Variants in AGBL4 observed in about 807,000 individuals in gnomAD.
AGBL4 encodes the protein AGBL carboxypeptidase 4, also known as cytosolic carboxypeptidase 6.
AGBL4 carries 58 observed loss-of-function variants against 66.4 expected under a neutral mutation model. The ratio of observed to expected loss-of-function variants is 0.87; its 90% CI spans 0.71 to 1.09. The LOEUF is 1.09. AGBL4 is among the 50% of genes least tolerant of loss of function. The probability of loss-of-function intolerance (pLI) is 0.00; values close to 1 mark genes in which losing one functional copy is unlikely to be tolerated. For synonymous variants in AGBL4, 234 were observed against 222.9 expected (o/e 1.05, Z -0.44); for missense variants, 579 against 631.0 (o/e 0.92, Z 0.88).
chr1:48,645,524 G>C (rs1169086586), intron 8 of AGBL4, among the ~76,000 whole-genome samples: 1 of 152,162 alleles, frequency 6.6e-6, no homozygotes, highest in Admixed American at 6.5e-5. Flanking sequence ...ATGCATGTGG[G>C]CTGTATCAGA....
intron 8 of AGBL4, among the ~76,000 whole-genome samples, chr1:48,648,938 T>C (rs556318730): frequency 6.6e-6 from 1 of 152,322 alleles, no homozygotes; most frequent in African/African-American, 2.4e-5. Flanking sequence ...CATCTGGCCC[T>C]AGTTACTCTA....
At chr1:48,819,493 C>T (rs540284026) in intron 6 of AGBL4, among the ~76,000 whole-genome samples, 5 of 152,072 alleles carry the variant, frequency 3.3e-5, no homozygotes, top group East Asian at 1.9e-4. Flanking sequence ...AAGGTCTCTC[C>T]GGCTGCAGCA....
intron 6 of AGBL4, among the ~76,000 whole-genome samples, chr1:48,833,009 T>C (rs915960673): frequency 5.9e-5 from 9 of 152,196 alleles, no homozygotes; most frequent in African/African-American, 1.9e-4. Flanking sequence ...TTGCAGATGA[T>C]GAGACCTCTC....
chr1:49,046,156 AT>A (rs1295175290), intron 4 of AGBL4, among the ~76,000 whole-genome samples: 1 of 152,190 alleles, frequency 6.6e-6, no homozygotes, highest in Admixed American at 6.5e-5. Flanking sequence ...CTCTGTCCTC[AT>A]GGATAATAGT....
chr1:49,895,732 A>G (rs1450117419), intron 1 of AGBL4, among the ~76,000 whole-genome samples: 4 of 152,056 alleles, frequency 2.6e-5, no homozygotes, highest in African/African-American at 9.6e-5. Flanking sequence ...AAAAACATAC[A>G]TGCAAAAGCA....
chr1:48,665,627 C>G (rs1241504572), intron 6 of AGBL4, among the ~76,000 whole-genome samples: 2 of 152,198 alleles, frequency 1.3e-5, no homozygotes, highest in South Asian at 4.1e-4. Context: ...CCTTTCACTA[C>G]CCTGTTTCAT....
intron 6 of AGBL4, among the ~76,000 whole-genome samples, chr1:48,762,926 C>G (rs1218731206): frequency 6.6e-6 from 1 of 152,004 alleles, no homozygotes; most frequent in African/African-American, 2.4e-5. Context: ...TCTCTGAACT[C>G]AAGTCTCTCC....
intron 11 of AGBL4, among the ~76,000 whole-genome samples, chr1:48,575,447 A>G (rs1644637722): frequency 6.6e-6 from 1 of 152,148 alleles, no homozygotes; most frequent in African/African-American, 2.4e-5. Context: ...AACTGACCCC[A>G]TTCAACTCAT....
intron 3 of AGBL4, among the ~76,000 whole-genome samples, chr1:49,576,377 T>C (rs1164144991): frequency 6.6e-6 from 1 of 152,200 alleles, no homozygotes; most frequent in African/African-American, 2.4e-5. Flanking sequence ...GGTGTCAGTG[T>C]CAGATAGGGA....
chr1:49,001,903 C>T (rs1201427710), intron 5 of AGBL4, among the ~76,000 whole-genome samples: 1 of 152,162 alleles, frequency 6.6e-6, no homozygotes, highest in Non-Finnish European at 1.5e-5. Context: ...CCATTGGAAC[C>T]TGAGGCAAAT....
At chr1:49,993,132 T>C (rs958403688) in intron 1 of AGBL4, among the ~76,000 whole-genome samples, 14 of 152,176 alleles carry the variant, frequency 9.2e-5, no homozygotes, top group Non-Finnish European at 1.0e-4. Context: ...AATACACTGA[T>C]GAATAAAGCA....
chr1:48,636,748 C>T (rs1645674131), intron 8 of AGBL4, among the ~76,000 whole-genome samples: 1 of 152,212 alleles, frequency 6.6e-6, no homozygotes, highest in Non-Finnish European at 1.5e-5. Context: ...TCATCTGAAA[C>T]CTGCTCAGGG....
At chr1:49,311,339 C>T (rs1644937792) in intron 3 of AGBL4, among the ~76,000 whole-genome samples, 1 of 151,952 alleles carries the variant, frequency 6.6e-6, no homozygotes, top group South Asian at 2.1e-4. Context: ...TTGTCCCTTA[C>T]AAACGAAGAA....
chr1:48,661,256 C>T (rs13376417), intron 7 of AGBL4, among the ~76,000 whole-genome samples: 3,327 of 152,246 alleles, frequency 0.022, 112 homozygotes, highest in African/African-American at 0.074. Context: ...GCCAGGGAGG[C>T]CCACAGTGGG....
chr1:49,170,701 T>C (rs1646723632), intron 4 of AGBL4, among the ~76,000 whole-genome samples: 1 of 151,228 alleles, frequency 6.6e-6, no homozygotes, highest in South Asian at 2.1e-4. Context: ...GAATTGTGAC[T>C]ATTTTGAGAA....
intron 4 of AGBL4, among the ~76,000 whole-genome samples, chr1:49,053,529 G>A (rs1251606424): frequency 6.6e-6 from 1 of 152,084 alleles, no homozygotes; most frequent in Non-Finnish European, 1.5e-5. Flanking sequence ...CTAGTTAGTG[G>A]GATCAATAGG....
intron 1 of AGBL4, among the ~76,000 whole-genome samples, chr1:49,902,730 G>C (rs889201481): frequency 1.3e-5 from 2 of 152,192 alleles, no homozygotes. Flanking sequence ...CTGGGCAACA[G>C]AGCGAGACTC....
At chr1:48,704,900 G>A (rs1570304955) in intron 6 of AGBL4, among the ~76,000 whole-genome samples, 2 of 152,158 alleles carry the variant, frequency 1.3e-5, no homozygotes, top group Non-Finnish European at 2.9e-5. Context: ...CAACTATGAC[G>A]TCCTGCGCAT....
chr1:49,547,367 T>C (rs908492659), intron 3 of AGBL4, among the ~76,000 whole-genome samples: 1 of 152,256 alleles, frequency 6.6e-6, no homozygotes, highest in Non-Finnish European at 1.5e-5. Flanking sequence ...CCTATGTACC[T>C]ATTTTTATAG....
Sources: gnomAD v4.1 joint callset for allele counts (sites outside exome capture counted in the v4.1 genomes callset) on GRCh38, gnomAD v4.1.1 for gene constraint, MANE v1.5 for transcripts, NCBI Gene and HGNC (gene_info 2026-07-23, HGNC 2026-07-21) for gene names.